Variants in SESTD1 observed in about 807,000 individuals in gnomAD.
SESTD1 encodes SEC14 and spectrin domain containing 1.
A neutral mutation model predicts 101.7 loss-of-function variants in SESTD1; 43 were observed. The observed-to-expected ratio is 0.42, with a 90% CI of 0.33 to 0.55. The LOEUF is 0.55. SESTD1 is among the 20% of genes least tolerant of loss of function. The pLI is 0.07. For synonymous variants in SESTD1, 283 were observed against 286.8 expected, an observed-to-expected ratio of 0.99 and a Z score of 0.13; for missense variants, 647 against 815.1, an observed-to-expected ratio of 0.79 and a Z score of 2.51.
intron 7 of SESTD1, among the ~76,000 whole-genome samples, 198 bp downstream of exon 7, chr2:179,149,099 G>A (rs1478740373): frequency 1.6e-5 from 2 of 127,808 alleles, no homozygotes; most frequent in South Asian, 5.0e-4. Context: ...AAAGGCTTTT[G>A]TGAAGAAACT....
At chr2:179,128,895 A>G (rs2044945077) in intron 10 of SESTD1, among the ~76,000 whole-genome samples, 1 of 152,134 alleles carries the variant, frequency 6.6e-6, no homozygotes, top group African/African-American at 2.4e-5. Flanking sequence ...ACACCAATAT[A>G]TGGGATTTGG....
intron 9 of SESTD1, 91 bp from the exon 10 acceptor site, chr2:179,132,517 C>T: frequency 1.4e-6 from 2 of 1,407,810 alleles, no homozygotes; most frequent in Non-Finnish European, 1.9e-6. Context: ...CAAAGTTCCC[C>T]AATTATTTTT....
rs998600439 is a variant in SESTD1 at position 179,102,980 on chromosome 2, A to G, written c.*6919T>C. ...GCTGTACCTGGGGCTTACTAGCAATACATGCTTTCCACTACCCCCTCAACC... is the reference window on the plus strand; with the variant it reads ...GCTGTACCTGGGGCTTACTAGCAATGCATGCTTTCCACTACCCCCTCAACC... On this transcript the variant is annotated 3_prime_UTR_variant, in exon 18 of 18. Coordinates refer to ENST00000428443, the MANE Select transcript of SESTD1 (RefSeq NM_178123.5). The G allele has an allele frequency of 7.2e-5, 11 of 152,058 alleles. No homozygotes were observed. Among genetic ancestry groups the G allele is most frequent in the African/African-American group, 2.7e-4 (11 of 41,406 alleles). The allele number at this position is 152,058 out of a possible 1,614,324, so 9.4% of individuals were successfully genotyped here.
chr2:179,119,840 C>T (rs938232067), intron 13 of SESTD1, among the ~76,000 whole-genome samples: 2 of 152,146 alleles, frequency 1.3e-5, no homozygotes, highest in African/African-American at 2.4e-5. Flanking sequence ...TCCCCTTCAC[C>T]TTCCATCATG....
At chr2:179,146,492 A>G (rs1303581919) in intron 7 of SESTD1, 35 bp from the exon 8 acceptor site, 8 of 1,558,762 alleles carry the variant, frequency 5.1e-6, no homozygotes, top group African/African-American at 2.7e-5. Context: ...TTCAAAAGGC[A>G]TATTTCTATC....
In SESTD1 at chr2:179,123,632, A is replaced by G. The variant is rs368761958; in HGVS notation, c.1282+83T>C. The G allele has an allele frequency of 5.9e-6, 5 of 850,530 alleles. 1 individual carries two copies. Among genetic ancestry groups the G allele is most frequent in the African/African-American group, 1.7e-5 (1 of 57,856 alleles). The allele number at this position is 850,530 out of a possible 1,614,324, so 52.7% of individuals were successfully genotyped here. On this transcript the variant is annotated intron_variant, in intron 12 of 17. Transcript: ENST00000428443. The stretch of plus-strand genomic sequence containing the variant: ...AAAATAATACTAATTAGTTCAGTGT[A>G]AGTTGACTTAATTGTCTAACCATGG...
chr2:179,133,869 G>C (rs901400566), intron 9 of SESTD1, among the ~76,000 whole-genome samples: 3 of 151,976 alleles, frequency 2.0e-5, no homozygotes, highest in Non-Finnish European at 4.4e-5. Flanking sequence ...TTTCATGCCT[G>C]AATTCAACCA....
chr2:179,133,516 C>T lies in SESTD1; in HGVS notation c.850-1090G>A, dbSNP rs562057494. Among the ~76,000 whole-genome samples the T allele has an allele frequency of 1.2e-4, 19 of 152,270 alleles. No individual in the cohort carries two copies. The South Asian group carries it at 3.7e-3, about 30-fold the overall frequency. On this transcript the variant is annotated intron_variant, in intron 9 of 17. Transcript: ENST00000428443. ...CATATACACTCTGAAACTACAAACA[C>T]ATTGTGGAGTAATTTTAGTGGAAAA... is the stretch of plus-strand genomic sequence containing the variant.
chr2:179,252,443 T>C (rs941922017), intron 1 of SESTD1, among the ~76,000 whole-genome samples: 1 of 152,216 alleles, frequency 6.6e-6, no homozygotes, highest in Non-Finnish European at 1.5e-5. Context: ...ACTATAAAAA[T>C]CGCTGTTTGT....
At position 179,132,943 on chromosome 2, in the gene SESTD1, G is replaced by T. The variant is rs189010340; in HGVS notation, c.850-517C>A. 3.7e-3 allele frequency among the ~76,000 whole-genome samples: 556 copies of T among 152,178 alleles called. 6 individuals carry two copies. Among genetic ancestry groups the T allele is most frequent in the African/African-American group, 0.013 (524 of 41,518 alleles). ...TTCCCAAGCATTGAAAAAACTGACT[G>T]AATTAACTACTATAAAGTTAATATA... On this transcript the variant is annotated intron_variant, in intron 9 of 17. Transcript: ENST00000428443.
At chr2:179,121,064 A>T (rs1325329099) in intron 13 of SESTD1, among the ~76,000 whole-genome samples, 1 of 152,134 alleles carries the variant, frequency 6.6e-6, no homozygotes, top group Non-Finnish European at 1.5e-5. Context: ...GAATAAAAGT[A>T]AGTTTGCAGA....
chr2:179,229,017 T>A (rs887235958), intron 1 of SESTD1, among the ~76,000 whole-genome samples: 3 of 151,962 alleles, frequency 2.0e-5, no homozygotes, highest in African/African-American at 7.3e-5. Context: ...AGAAGACCAC[T>A]CATAGATGAG....
intron 1 of SESTD1, among the ~76,000 whole-genome samples, chr2:179,227,617 T>C (rs190099274): frequency 6.6e-6 from 1 of 152,172 alleles, no homozygotes; most frequent in African/African-American, 2.4e-5. Flanking sequence ...ACTATGATAA[T>C]TGTTTCCTTT....
At chr2:179,158,724 T>C (rs1332727162) in intron 5 of SESTD1, among the ~76,000 whole-genome samples, 1 of 152,212 alleles carries the variant, frequency 6.6e-6, no homozygotes, top group African/African-American at 2.4e-5. Flanking sequence ...TTCTCCATTA[T>C]TATAAAACAT....
At chr2:179,250,728 T>A (rs2047304930) in intron 1 of SESTD1, among the ~76,000 whole-genome samples, 1 of 152,150 alleles carries the variant, frequency 6.6e-6, no homozygotes, top group African/African-American at 2.4e-5. Context: ...CCAAATACAA[T>A]CACACTCTGA....
intron 1 of SESTD1, among the ~76,000 whole-genome samples, chr2:179,233,215 G>A (rs936048597): frequency 1.4e-4 from 22 of 152,144 alleles, no homozygotes; most frequent in African/African-American, 4.3e-4. Flanking sequence ...AAAGAGAACC[G>A]TAAGTAAACA....
At position 179,103,355 on chromosome 2, in the gene SESTD1, G is replaced by C. The variant is rs768961775; in HGVS notation, c.*6544C>G. 2.0e-5 allele frequency: 3 copies of C among 151,914 alleles called. No individual in the cohort carries two copies. Among genetic ancestry groups the C allele is most frequent in the South Asian group, 2.1e-4 (1 of 4,820 alleles). The allele number at this position is 151,914 out of a possible 1,614,324, so 9.4% of individuals were successfully genotyped here. On this transcript the variant is annotated 3_prime_UTR_variant, in exon 18 of 18. Transcript: ENST00000428443. ...TATGCACATCAAAATACAAAATACA[G>C]GGCACAATAAAACTGAACTGGAAAA...
At chr2:179,157,038 G>T (rs2045646002) in intron 5 of SESTD1, among the ~76,000 whole-genome samples, 1 of 152,098 alleles carries the variant, frequency 6.6e-6, no homozygotes, top group African/African-American at 2.4e-5. Flanking sequence ...TCTCCTACAT[G>T]TGGCTAGCCA....
chr2:179,102,655 A>C lies in SESTD1; in HGVS notation c.*7244T>G, dbSNP rs2044296528. On this transcript the variant is annotated 3_prime_UTR_variant, in exon 18 of 18. Transcript: ENST00000428443. ...ACCATACATATTTTTGAAAATGAGC[A>C]TTAGAAACACACAGATGATTATAAT... 6.6e-6 allele frequency: 1 copy of C among 152,140 alleles called. No individual in the cohort carries two copies. Among genetic ancestry groups the C allele is most frequent in the African/African-American group, 2.4e-5 (1 of 41,446 alleles). 9.4% of individuals were successfully genotyped at this position (152,140 alleles called of 1,614,324 possible).
Sources: allele counts gnomAD v4.1 joint callset (sites outside exome capture counted in the v4.1 genomes callset), GRCh38; gene constraint gnomAD v4.1.1; transcripts MANE v1.5; gene names NCBI Gene and HGNC (gene_info 2026-07-23, HGNC 2026-07-21).